The following CMIP variants were observed in gnomAD, a reference collection of about 807,000 sequenced individuals.
CMIP encodes C-Maf-inducing protein.
A neutral mutation model predicts 97.3 loss-of-function variants in CMIP; 13 were observed. That is an observed-to-expected ratio of 0.13 (90% CI 0.09 to 0.21). The LOEUF is 0.21. CMIP is among the 10% of genes least tolerant of loss of function. CMIP has a pLI of 1.00. For missense variants in CMIP, 847 were observed against 1,024.9 expected (o/e 0.83, Z 2.37); for synonymous variants, 538 against 436.3 (o/e 1.23, Z -2.91).
chr16:81,505,431 C>T (rs1379954381), intron 1 of CMIP, among the ~76,000 whole-genome samples: 1 of 152,190 alleles, frequency 6.6e-6, no homozygotes, highest in Non-Finnish European at 1.5e-5. Context: ...TGCGTTTTGT[C>T]CATTTGCACC....
chr16:81,529,218 C>T (rs907912381), intron 1 of CMIP, among the ~76,000 whole-genome samples: 1 of 152,176 alleles, frequency 6.6e-6, no homozygotes, highest in African/African-American at 2.4e-5. Context: ...TTCTGGAGGT[C>T]ACAATGCTAT....
In CMIP at chr16:81,545,292, C is replaced by G. The variant is rs550425006; in HGVS notation, c.301-62275C>G. On this transcript the variant is annotated intron_variant, in intron 1 of 20. Coordinates refer to ENST00000537098, the MANE Select transcript of CMIP (RefSeq NM_198390.3). ...GGATTTGCTGCGCTTCTAGAGAAGT[C>G]CTGCAGACGAACCCGTCCTTGTATC... Among the ~76,000 whole-genome samples the G allele has an allele frequency of 2.6e-5, 4 of 152,306 alleles. No individual in the cohort carries two copies. The East Asian group carries it at 7.7e-4, about 29-fold the overall frequency.
intron 1 of CMIP, among the ~76,000 whole-genome samples, chr16:81,523,273 C>T (rs1250964646): frequency 1.3e-5 from 2 of 152,206 alleles, no homozygotes; most frequent in South Asian, 2.1e-4. Flanking sequence ...CCCTATCCGA[C>T]GATGCTCATG....
At chr16:81,640,601 C>T (rs917465501) in intron 3 of CMIP, among the ~76,000 whole-genome samples, 4 of 152,138 alleles carry the variant, frequency 2.6e-5, no homozygotes, top group African/African-American at 9.7e-5. Flanking sequence ...ATCAAGGTGT[C>T]AGCAGGGCCA....
At position 81,445,315 on chromosome 16, in the gene CMIP, G is replaced by A. The variant is rs1905760627; in HGVS notation, c.74G>A (p.Gly25Asp). Residue 25 changes from glycine (G) to aspartate (D), a missense_variant, in exon 1 of 21, where the codon GGC becomes GAC. Gly to Asp is a moderately conservative substitution (Grantham distance 94). Around this residue, in one of 4 missense-constraint regions of CMIP, gnomAD observed 94 missense variants for 79.9 expected, o/e 1.18. Coordinates refer to ENST00000537098, the MANE Select transcript of CMIP (RefSeq NM_198390.3). Reference protein sequence around the residue: ...QIEETKPLLGGDVSAPEGTKM... With the variant: ...QIEETKPLLGDDVSAPEGTKM... Reference sequence around the variant, plus strand: ...GAGGAGACCAAGCCGCTGCTGGGGGGCGACGTGTCGGCCCCCGAAGGCACG... The same window carrying A: ...GAGGAGACCAAGCCGCTGCTGGGGGACGACGTGTCGGCCCCCGAAGGCACG... The A allele has an allele frequency of 3.2e-6, 5 of 1,575,354 alleles. No homozygotes were observed. The highest frequency in any genetic ancestry group is 1.2e-5 in the South Asian group (1 of 86,366).
chr16:81,549,358 C>T (rs1435263398), intron 1 of CMIP, among the ~76,000 whole-genome samples: 1 of 152,224 alleles, frequency 6.6e-6, no homozygotes, highest in East Asian at 1.9e-4. Context: ...CCGTTGGTTT[C>T]ACATCTGCTG....
chr16:81,686,801 G>A (rs926414211), intron 10 of CMIP, among the ~76,000 whole-genome samples: 10 of 152,100 alleles, frequency 6.6e-5, no homozygotes, highest in Admixed American at 2.0e-4. Flanking sequence ...ATCTCCTCCC[G>A]TTTCTATGTA....
chr16:81,610,668 G>A (rs899493984), intron 2 of CMIP: 19 of 330,418 alleles, frequency 5.8e-5, no homozygotes, highest in East Asian at 3.4e-4. Context: ...TCTGCCCACC[G>A]TGATGCATGG....
chr16:81,604,425 T>C (rs1032676534), intron 1 of CMIP, among the ~76,000 whole-genome samples: 12 of 144,128 alleles, frequency 8.3e-5, no homozygotes, highest in African/African-American at 3.1e-4. Context: ...AAGGACCGGC[T>C]GCGGTGGCTT....
chr16:81,701,174 G>A (rs577077578), intron 15 of CMIP, among the ~76,000 whole-genome samples: 4 of 152,220 alleles, frequency 2.6e-5, no homozygotes, highest in South Asian at 2.1e-4. Flanking sequence ...GCTGTCAGGC[G>A]TGTTGACCCC....
rs1276513896 is a variant in CMIP, at chr16:81,445,334, A to G, written c.93A>G (p.Glu31=). 5 of 1,594,802 alleles carry G rather than the reference A, an allele frequency of 3.1e-6. No homozygotes were observed. The East Asian group carries it at 1.1e-4, about 36-fold the overall frequency. ...TGGGGGGCGACGTGTCGGCCCCCGA[A>G]GGCACGAAGATGGGCGCCGTGCCCT... The part of the protein sequence containing the change: ...PLLGGDVSAP[E]GTKMGAVPCR... The change falls in exon 1 of 21, where the codon GAA becomes GAG. Residue 31 remains glutamate (E), a synonymous_variant. Transcript: ENST00000537098.
intron 1 of CMIP, among the ~76,000 whole-genome samples, chr16:81,457,039 G>A (rs907703853): frequency 6.6e-6 from 1 of 152,132 alleles, no homozygotes; most frequent in African/African-American, 2.4e-5. Flanking sequence ...CGGTGGTGAG[G>A]ACTGGATCAC....
At chr16:81,473,612 A>G (rs1440718876) in intron 1 of CMIP, among the ~76,000 whole-genome samples, 1 of 145,308 alleles carries the variant, frequency 6.9e-6, no homozygotes, top group East Asian at 2.0e-4. Flanking sequence ...TTTATTTCCC[A>G]TTAAGGGATT....
At chr16:81,474,259 CTTAAG>C (rs1361058078) in intron 1 of CMIP, among the ~76,000 whole-genome samples, 1 of 152,120 alleles carries the variant, frequency 6.6e-6, no homozygotes, top group African/African-American at 2.4e-5. Context: ...GCTGCTGCTC[CTTAAG>C]TTGAGTTGTC....
intron 1 of CMIP, among the ~76,000 whole-genome samples, chr16:81,560,223 GT>G (rs758040541): frequency 1.2e-4 from 13 of 108,488 alleles, no homozygotes; most frequent in African/African-American, 2.3e-4. Context: ...GTTTTGTTTT[GT>G]TTTTTTTTTT....
intron 16 of CMIP, among the ~76,000 whole-genome samples, chr16:81,702,045 G>T (rs1174952067): frequency 6.6e-6 from 1 of 152,162 alleles, no homozygotes; most frequent in African/African-American, 2.4e-5. Flanking sequence ...CCTCCTCCAT[G>T]TCCCTTAGAC....
chr16:81,450,736 C>T (rs117654436), intron 1 of CMIP, among the ~76,000 whole-genome samples: 3,256 of 152,210 alleles, frequency 0.021, 37 homozygotes, highest in Non-Finnish European at 0.034. Context: ...AAATTCCTTG[C>T]GGGGCGTAGT....
chr16:81,481,071 C>G (rs1908231285), intron 1 of CMIP, among the ~76,000 whole-genome samples: 1 of 152,236 alleles, frequency 6.6e-6, no homozygotes, highest in Non-Finnish European at 1.5e-5. Context: ...GCCCGGCTGT[C>G]TCCCTCAGCT....
intron 1 of CMIP, among the ~76,000 whole-genome samples, chr16:81,555,894 A>G (rs1461650509): frequency 6.6e-6 from 1 of 152,138 alleles, no homozygotes; most frequent in Non-Finnish European, 1.5e-5. Flanking sequence ...TGGATCCATA[A>G]TAATACCCAC....
Sources: gnomAD v4.1 joint callset for allele counts (sites outside exome capture counted in the v4.1 genomes callset) on GRCh38, gnomAD v4.1.1 for gene constraint, gnomAD v4.1.1 regional missense constraint, MANE v1.5 for transcripts, NCBI Gene and HGNC (gene_info 2026-07-23, HGNC 2026-07-21) for gene names.